The following SPAG17 variants were observed in gnomAD, a reference collection of about 807,000 sequenced individuals.
SPAG17 encodes the protein sperm associated antigen 17.
Under a neutral mutation model 273.6 loss-of-function variants are expected in SPAG17, and 169 were observed. That is an observed-to-expected ratio of 0.62 (90% confidence interval 0.55 to 0.70). The LOEUF (loss-of-function observed/expected upper bound fraction) is 0.70. Ranked by LOEUF, SPAG17 falls within the 30% of genes least tolerant of loss-of-function variation. The probability of loss-of-function intolerance (pLI) is 0.00; values close to 1 mark genes in which losing one functional copy is unlikely to be tolerated. For synonymous variants in SPAG17, 825 were observed against 873.2 expected (o/e 0.94, Z 0.97); for missense variants, 2,557 against 2,627.8 (o/e 0.97, Z 0.59).
At chr1:118,065,148 G>A (rs1053454382) in intron 18 of SPAG17, among the ~76,000 whole-genome samples, 11 of 152,156 alleles carry the variant, frequency 7.2e-5, no homozygotes, top group Middle Eastern at 3.4e-3. Context: ...ATAGACACAC[G>A]TAACACAGGT....
intron 21 of SPAG17, 132 bp from the exon 22 acceptor site, chr1:118,040,973 A>T: frequency 1.5e-6 from 1 of 672,020 alleles, no homozygotes; most frequent in East Asian, 2.7e-5. Flanking sequence ...TTGCAGACTC[A>T]GAGGCCAGTG....
chr1:118,170,312 A>C (rs1660360885), intron 1 of SPAG17, among the ~76,000 whole-genome samples: 1 of 152,206 alleles, frequency 6.6e-6, no homozygotes, highest in Admixed American at 6.5e-5. Flanking sequence ...AAAACATGAA[A>C]TACATAGCAA....
chr1:118,073,000 G>C (rs187479835), intron 17 of SPAG17, among the ~76,000 whole-genome samples: 2 of 152,036 alleles, frequency 1.3e-5, no homozygotes, highest in African/African-American at 4.8e-5. Flanking sequence ...GAGAACTGCG[G>C]CTTGGTGGAG....
chr1:118,155,862 A>T (rs759244678), intron 1 of SPAG17, among the ~76,000 whole-genome samples: 8 of 152,234 alleles, frequency 5.3e-5, no homozygotes, highest in Non-Finnish European at 1.0e-4. Flanking sequence ...CTTCAAAAAA[A>T]GTCTTGGATC....
intron 3 of SPAG17, among the ~76,000 whole-genome samples, chr1:118,123,573 G>A (rs142100918): frequency 5.7e-4 from 87 of 152,274 alleles, no homozygotes; most frequent in African/African-American, 2.0e-3. Flanking sequence ...ACAGCTTGGT[G>A]AGAAATTCAT....
chr1:118,107,359 T>A (rs1240032014), intron 4 of SPAG17, among the ~76,000 whole-genome samples: 1 of 152,166 alleles, frequency 6.6e-6, no homozygotes, highest in Admixed American at 6.6e-5. Context: ...TCCTGCTCAC[T>A]TCCCTTTCTC....
intron 7 of SPAG17, among the ~76,000 whole-genome samples, chr1:118,096,025 T>G (rs1558009709): frequency 6.6e-6 from 1 of 152,192 alleles, no homozygotes; most frequent in Admixed American, 6.5e-5. Context: ...TTCAGCTTCA[T>G]TTTCCACGCA....
At chr1:118,154,502 G>C (rs1659548617) in intron 1 of SPAG17, among the ~76,000 whole-genome samples, 1 of 152,164 alleles carries the variant, frequency 6.6e-6, no homozygotes, top group Non-Finnish European at 1.5e-5. Context: ...GGACAGCATA[G>C]TTAAATAAGC....
chr1:118,018,669 CAA>C (rs558618684), intron 28 of SPAG17, among the ~76,000 whole-genome samples: 13 of 109,298 alleles, frequency 1.2e-4, no homozygotes, highest in Non-Finnish European at 1.2e-4. Flanking sequence ...TTCACTGCTA[CAA>C]AAAAAAAAAA....
rs1557980420 is a variant in SPAG17, at chr1:118,066,873, A to G, written c.2412T>C (p.Tyr804=). 1 of 1,612,012 alleles carries G rather than the reference A, an allele frequency of 6.2e-7. No individual in the cohort carries two copies. Among genetic ancestry groups the G allele is most frequent in the Non-Finnish European group, 8.5e-7 (1 of 1,179,418 alleles). Residue 804 remains tyrosine, a synonymous_variant, in exon 18 of 49, where the codon TAT becomes TAC. Transcript: ENST00000336338. ...LQVLQEAHKQ[Y]RCVDSYYHTQ... ...TGTGGTAGTAAGAATCAACACACCT[A>G]TATTGCTTATGGGCTTCTTGAAGGA...
At chr1:118,160,833 A>G (rs2102370764) in intron 1 of SPAG17, among the ~76,000 whole-genome samples, 1 of 152,342 alleles carries the variant, frequency 6.6e-6, no homozygotes, top group South Asian at 2.1e-4. Flanking sequence ...TGATAGGGTG[A>G]GAAAGAAGAG....
intron 7 of SPAG17, among the ~76,000 whole-genome samples, chr1:118,096,280 C>T (rs6665745): frequency 0.046 from 7,018 of 152,028 alleles, 232 homozygotes; most frequent in Middle Eastern, 0.096. Flanking sequence ...CAGAAGTGTC[C>T]ATGCCCCATA....
At chr1:117,958,930 C>G (rs1652628343) in intron 48 of SPAG17, 1 of 1,613,922 alleles carries the variant, frequency 6.2e-7, no homozygotes, top group Non-Finnish European at 8.5e-7. Flanking sequence ...GGACAGATCA[C>G]TAGCAATCAA....
Position 118,036,845 on chromosome 1 carries a change from C to A in SPAG17, c.3358G>T (p.Gly1120Ter). Residue 1120 changes from glycine (G) to a stop codon, truncating the protein, a stop_gained, in exon 24 of 49, where the codon GGA (glycine) becomes TGA (stop). Transcript: ENST00000336338. LOFTEE classifies it high-confidence loss of function. Reference protein sequence around the residue: ...DAKNKAFSKFGSFSATLENGI... With the variant: ...DAKNKAFSKF ...TTTTCTAAGGTGGCAGAAAAAGATC[C>A]AAACTTGCTGAAAGCTTTATTCTTT... 6.4e-7 allele frequency: 1 copy of A among 1,560,768 alleles called. No individual in the cohort carries two copies. The highest frequency in any genetic ancestry group is 2.4e-5 in the East Asian group (1 of 42,214).
intron 48 of SPAG17, chr1:117,955,237 T>C: frequency 7.9e-7 from 1 of 1,269,152 alleles, no homozygotes; most frequent in Non-Finnish European, 1.1e-6. Context: ...GTTCCTGTTT[T>C]ATAGGAGATA....
intron 25 of SPAG17, 29 bp from the exon 26 acceptor site, chr1:118,028,423 G>A (rs772038650): frequency 3.1e-6 from 5 of 1,610,052 alleles, no homozygotes; most frequent in Non-Finnish European, 2.5e-6. Context: ...GTGAATAATG[G>A]GCTGTCATTT....
intron 19 of SPAG17, 24 bp downstream of exon 19, chr1:118,055,709 G>A (rs202154261): frequency 5.7e-5 from 87 of 1,532,480 alleles, no homozygotes; most frequent in Non-Finnish European, 7.4e-5. Context: ...TTTATTCTAC[G>A]TATAAGTTGA....
chr1:118,025,506 TTTTC>T, intron 26 of SPAG17, 90 bp from the exon 27 acceptor site: 1 of 1,025,896 alleles, frequency 9.7e-7, no homozygotes, highest in Non-Finnish European at 1.4e-6. Context: ...TTTTCTTTTC[TTTTC>T]TTTATTTTAA....
chr1:117,973,624 T>A, intron 43 of SPAG17, 63 bp from the exon 44 acceptor site: 1 of 1,513,396 alleles, frequency 6.6e-7, no homozygotes, highest in African/African-American at 1.4e-5. Context: ...TTTGAAGTAA[T>A]ATCAGAATGT....
Sources: gnomAD v4.1 joint callset for allele counts (sites outside exome capture counted in the v4.1 genomes callset) on GRCh38, gnomAD v4.1.1 for gene constraint, MANE v1.5 for transcripts, NCBI Gene and HGNC (gene_info 2026-07-23, HGNC 2026-07-21) for gene names.